The following ALCAM variants were observed in gnomAD, a reference collection of about 807,000 sequenced individuals.
ALCAM encodes the protein CD166 antigen.
ALCAM carries 30 observed loss-of-function variants against 70.9 expected under a neutral mutation model. The observed-to-expected ratio is 0.42, with a 90% CI of 0.32 to 0.57. ALCAM has a LOEUF of 0.57. Ranked by LOEUF, ALCAM falls within the 20% of genes least tolerant of loss-of-function variation. ALCAM has a pLI of 0.11. For missense variants in ALCAM, 591 were observed against 695.1 expected (o/e 0.85, Z 1.68); for synonymous variants, 249 against 242.5 (o/e 1.03, Z -0.25).
chr3:105,432,393 C>T (rs1364061152), intron 1 of ALCAM, among the ~76,000 whole-genome samples: 1 of 151,940 alleles, frequency 6.6e-6, no homozygotes, highest in East Asian at 1.9e-4. Context: ...TAAATACAAT[C>T]CTGGAAGAAG....
intron 1 of ALCAM, among the ~76,000 whole-genome samples, chr3:105,474,209 A>T (rs1011707064): frequency 6.6e-6 from 1 of 151,740 alleles, no homozygotes; most frequent in African/African-American, 2.4e-5. Flanking sequence ...AAGAATTTTG[A>T]TGCTGTTCTG....
intron 1 of ALCAM, among the ~76,000 whole-genome samples, chr3:105,374,547 G>C (rs905428570): frequency 1.3e-5 from 2 of 151,892 alleles, no homozygotes; most frequent in Non-Finnish European, 2.9e-5. Flanking sequence ...ACGGTGTCTC[G>C]CTCTTGTTAC....
chr3:105,425,431 T>G (rs964570105), intron 1 of ALCAM, among the ~76,000 whole-genome samples: 2 of 151,802 alleles, frequency 1.3e-5, no homozygotes, highest in Non-Finnish European at 2.9e-5. Context: ...TGGAGATGTC[T>G]TATGCTTTTT....
At chr3:105,401,550 A>G (rs932749593) in intron 1 of ALCAM, among the ~76,000 whole-genome samples, 4 of 152,226 alleles carry the variant, frequency 2.6e-5, no homozygotes, top group African/African-American at 7.2e-5. Flanking sequence ...TGTTATCAGC[A>G]TGGAACTACC....
chr3:105,499,327 A>C (rs1938855201), intron 1 of ALCAM, among the ~76,000 whole-genome samples: 1 of 152,228 alleles, frequency 6.6e-6, no homozygotes, highest in African/African-American at 2.4e-5. Flanking sequence ...TTACCATTTA[A>C]AGCAAAAGAT....
chr3:105,559,240 C>T (rs1037097599), intron 14 of ALCAM, among the ~76,000 whole-genome samples: 14 of 145,718 alleles, frequency 9.6e-5, no homozygotes, highest in South Asian at 2.1e-4. Context: ...TACATGTGTA[C>T]GTATAACATA....
rs937254941 is a variant in ALCAM, at chr3:105,574,912, A to T, written c.*461A>T. 3 of 152,580 alleles carry T rather than the reference A, an allele frequency of 2.0e-5. No individual in the cohort carries two copies. Among genetic ancestry groups the T allele is most frequent in the African/African-American group, 7.2e-5 (3 of 41,462 alleles). 9.5% of individuals were successfully genotyped at this position (152,580 alleles called of 1,614,324 possible). A position where few individuals can be genotyped will look rare whatever the true frequency, so the allele number is the denominator to read the frequency against. On this transcript the variant is annotated 3_prime_UTR_variant, in exon 16 of 16. Transcript: ENST00000306107. ...TCTGATTGCTATCAGCAATGCCCCAAACTTTCTCATAAGCACCTAAAACCC... is the reference window on the plus strand; with the variant it reads ...TCTGATTGCTATCAGCAATGCCCCATACTTTCTCATAAGCACCTAAAACCC...
chr3:105,373,748 A>G (rs1935303353), intron 1 of ALCAM, among the ~76,000 whole-genome samples: 2 of 152,190 alleles, frequency 1.3e-5, no homozygotes, highest in Admixed American at 1.3e-4. Context: ...CCTCAAGTCT[A>G]GTTAAGAGCT....
At chr3:105,490,574 TG>T (rs1425438225) in intron 1 of ALCAM, among the ~76,000 whole-genome samples, 1 of 152,156 alleles carries the variant, frequency 6.6e-6, no homozygotes, top group East Asian at 1.9e-4. Context: ...GTGTGCTGTT[TG>T]GGAGGCATAG....
chr3:105,417,548 G>A (rs1936535693), intron 1 of ALCAM, among the ~76,000 whole-genome samples: 1 of 151,684 alleles, frequency 6.6e-6, no homozygotes, highest in Admixed American at 6.6e-5. Flanking sequence ...TCCCAGCGCG[G>A]CCACTTGCTA....
chr3:105,462,298 G>T (rs1392737782), intron 1 of ALCAM, among the ~76,000 whole-genome samples: 1 of 151,436 alleles, frequency 6.6e-6, no homozygotes, highest in African/African-American at 2.4e-5. Context: ...CCTTTGATAA[G>T]GTGGCATGTG....
At chr3:105,543,060 A>T (rs1559828344) in intron 8 of ALCAM, among the ~76,000 whole-genome samples, 1 of 151,790 alleles carries the variant, frequency 6.6e-6, no homozygotes, top group Non-Finnish European at 1.5e-5. Flanking sequence ...ATCATTGCTC[A>T]TGATGTCTTT....
chr3:105,526,209 T>C (rs1559822120), intron 3 of ALCAM, among the ~76,000 whole-genome samples: 1 of 151,736 alleles, frequency 6.6e-6, no homozygotes, highest in Admixed American at 6.6e-5. Flanking sequence ...ACTGAGATGG[T>C]AATATACAAG....
chr3:105,386,301 C>T (rs1935653084), intron 1 of ALCAM, among the ~76,000 whole-genome samples: 1 of 151,586 alleles, frequency 6.6e-6, no homozygotes, highest in Non-Finnish European at 1.5e-5. Flanking sequence ...TTTGTTAGAA[C>T]AGGTGCTTCT....
At chr3:105,449,397 AAG>A (rs1409485956) in intron 1 of ALCAM, among the ~76,000 whole-genome samples, 3 of 152,244 alleles carry the variant, frequency 2.0e-5, no homozygotes, top group South Asian at 2.1e-4. Flanking sequence ...AAAGAAGAGA[AAG>A]AGAATCTATA....
intron 1 of ALCAM, among the ~76,000 whole-genome samples, chr3:105,407,805 A>G (rs1416779185): frequency 6.6e-6 from 1 of 152,148 alleles, no homozygotes; most frequent in African/African-American, 2.4e-5. Context: ...TTATATATCT[A>G]GAAAATCCTA....
chr3:105,403,421 A>G lies in ALCAM; in HGVS notation c.73+35940A>G, dbSNP rs1936141681. ...GATCACATCACAAGACTCATTGCAGACACTCCCCAGTACCAGCCTAAGCTG... is the reference window on the plus strand; with the variant it reads ...GATCACATCACAAGACTCATTGCAGGCACTCCCCAGTACCAGCCTAAGCTG... On this transcript the variant is annotated intron_variant, in intron 1 of 15. Coordinates refer to ENST00000306107, the MANE Select transcript of ALCAM (RefSeq NM_001627.4). Among the ~76,000 whole-genome samples, 4 of 152,266 alleles carry G rather than the reference A, an allele frequency of 2.6e-5. No homozygotes were observed. The South Asian group carries it at 8.3e-4, about 32-fold the overall frequency.
chr3:105,416,244 C>T (rs1936504049), intron 1 of ALCAM, among the ~76,000 whole-genome samples: 1 of 151,982 alleles, frequency 6.6e-6, no homozygotes, highest in South Asian at 2.1e-4. Flanking sequence ...ACTTTATACC[C>T]TTAAGGGAAG....
chr3:105,496,470 A>T (rs1161186380), intron 1 of ALCAM, among the ~76,000 whole-genome samples: 3 of 151,734 alleles, frequency 2.0e-5, no homozygotes, highest in African/African-American at 7.3e-5. Flanking sequence ...GAAAGTTAAT[A>T]CTTTGAATGC....
Sources: gnomAD v4.1 joint callset for allele counts (sites outside exome capture counted in the v4.1 genomes callset) on GRCh38, gnomAD v4.1.1 for gene constraint, MANE v1.5 for transcripts, NCBI Gene and HGNC (gene_info 2026-07-23, HGNC 2026-07-21) for gene names.